TRNAU1AP: variants seen among roughly 807,000 people sequenced by gnomAD.
TRNAU1AP encodes the protein tRNA selenocysteine 1 associated protein 1.
A neutral mutation model predicts 43.3 loss-of-function variants in TRNAU1AP; 33 were observed. The observed-to-expected ratio is 0.76, with a 90% CI of 0.58 to 1.02. The LOEUF is 1.02. Ranked by LOEUF, TRNAU1AP falls within the 50% of genes least tolerant of loss-of-function variation. The pLI is 0.00. For missense variants in TRNAU1AP, 290 were observed against 362.7 expected, an observed-to-expected ratio of 0.80 and a Z score of 1.63; for synonymous variants, 143 against 129.1, an observed-to-expected ratio of 1.11 and a Z score of -0.73.
intron 2 of TRNAU1AP, among the ~76,000 whole-genome samples, chr1:28,559,145 C>T (rs1350654204): frequency 6.6e-6 from 1 of 151,864 alleles, no homozygotes; most frequent in Non-Finnish European, 1.5e-5. Context: ...GATCTCGGCT[C>T]ACTGCAGCCT....
At chr1:28,577,435 A>G in intron 8 of TRNAU1AP, 65 bp from the exon 9 acceptor site, 1 of 1,571,050 alleles carries the variant, frequency 6.4e-7, no homozygotes, top group Non-Finnish European at 8.7e-7. Flanking sequence ...GGGAGAAGGG[A>G]ACTGAACCAG....
rs1172867758 is a variant in TRNAU1AP, at chr1:28,577,598, C to T, written c.826C>T (p.Leu276=). The change falls in exon 9 of 9, where the codon CTG becomes TTG. Residue 276 remains leucine (L), a synonymous_variant. Coordinates refer to ENST00000373830, the MANE Select transcript of TRNAU1AP (RefSeq NM_017846.5). ...DALMDCHWQP[L]DTVSSEIPAM... is the part of the protein sequence containing the mutation. The stretch of plus-strand genomic sequence containing the variant: ...TCTGATGGACTGTCACTGGCAGCCC[C>T]TGGACACAGTGTCTTCAGAGATCCC... The T allele has an allele frequency of 3.1e-6, 5 of 1,614,052 alleles. No individual in the cohort carries two copies. The highest frequency in any genetic ancestry group is 4.2e-6 in the Non-Finnish European group (5 of 1,180,038).
At chr1:28,555,072 T>C (rs1665228640) in intron 2 of TRNAU1AP, among the ~76,000 whole-genome samples, 1 of 151,172 alleles carries the variant, frequency 6.6e-6, no homozygotes. Flanking sequence ...ACCCTGTCTC[T>C]ACCAAAAATT....
intron 5 of TRNAU1AP, among the ~76,000 whole-genome samples, chr1:28,566,006 T>G (rs9286966): frequency 0.39 from 59,700 of 151,916 alleles, 13,383 homozygotes; most frequent in African/African-American, 0.61. Context: ...ACAGTTTGAT[T>G]AGATCACCCT....
At chr1:28,556,527 T>TC (rs1665269649) in intron 2 of TRNAU1AP, among the ~76,000 whole-genome samples, 1 of 149,114 alleles carries the variant, frequency 6.7e-6, no homozygotes, top group East Asian at 2.0e-4. Flanking sequence ...TTTTTTTTTT[T>TC]CTGAGGCATA....
At chr1:28,558,365 C>G (rs1051810527) in intron 2 of TRNAU1AP, among the ~76,000 whole-genome samples, 2 of 150,884 alleles carry the variant, frequency 1.3e-5, no homozygotes, top group Non-Finnish European at 3.0e-5. Flanking sequence ...CAGGCACACA[C>G]CACCCCACCC....
chr1:28,559,357 G>A (rs190198780), intron 2 of TRNAU1AP, among the ~76,000 whole-genome samples: 4 of 152,078 alleles, frequency 2.6e-5, no homozygotes, highest in South Asian at 2.1e-4. Flanking sequence ...GGCTGGGTGC[G>A]GTAGCTCATG....
chr1:28,561,220 A>G, intron 3 of TRNAU1AP, 126 bp from the exon 4 acceptor site: 2 of 1,494,672 alleles, frequency 1.3e-6, no homozygotes, highest in Non-Finnish European at 1.8e-6. Flanking sequence ...TATACAGGAG[A>G]AAAAGCTGAG....
At chr1:28,557,312 C>T (rs956860314) in intron 2 of TRNAU1AP, among the ~76,000 whole-genome samples, 5 of 151,210 alleles carry the variant, frequency 3.3e-5, no homozygotes, top group South Asian at 2.1e-4. Context: ...CCCAGCTACT[C>T]GGGAGGCTGA....
At chr1:28,569,855 G>T (rs1192804608) in intron 6 of TRNAU1AP, among the ~76,000 whole-genome samples, 1 of 135,266 alleles carries the variant, frequency 7.4e-6, no homozygotes, top group Non-Finnish European at 1.6e-5. Flanking sequence ...AAAAAAATTA[G>T]CCGGGCGTGC....
intron 6 of TRNAU1AP, 60 bp from the exon 7 acceptor site, chr1:28,571,116 C>T: frequency 6.5e-7 from 1 of 1,530,680 alleles, no homozygotes; most frequent in South Asian, 1.1e-5. Flanking sequence ...TCTGTGGCCA[C>T]ATAGGCAGTG....
intron 8 of TRNAU1AP, among the ~76,000 whole-genome samples, chr1:28,573,131 G>A (rs1347089727): frequency 1.4e-5 from 2 of 147,600 alleles, no homozygotes; most frequent in South Asian, 4.2e-4. Context: ...CCTCCCGGGT[G>A]CAAGTGATTC....
In TRNAU1AP at chr1:28,558,954, A is replaced by G. The variant is rs1248825380; in HGVS notation, c.126-1679A>G. Among the ~76,000 whole-genome samples the G allele has an allele frequency of 2.6e-5, 4 of 152,204 alleles. No individual in the cohort carries two copies. The East Asian group carries it at 7.7e-4, about 29-fold the overall frequency. On this transcript the variant is annotated intron_variant, in intron 2 of 8. Transcript: ENST00000373830. ...TCTAATACCATATCATAGCAGGTCT[A>G]CATTTAAATTTTTATAATTGTCCCC...
chr1:28,571,945 A>C, intron 8 of TRNAU1AP, 45 bp downstream of exon 8: 1 of 1,547,890 alleles, frequency 6.5e-7, no homozygotes, highest in Middle Eastern at 1.7e-4. Flanking sequence ...TTATCAGGTG[A>C]CTGCTGTGGC....
At chr1:28,567,061 T>TGGGA (rs1413631363) in intron 5 of TRNAU1AP, among the ~76,000 whole-genome samples, 1 of 152,228 alleles carries the variant, frequency 6.6e-6, no homozygotes, top group Non-Finnish European at 1.5e-5. Context: ...GAACTGAATG[T>TGGGA]GGGAATTCCT....
In TRNAU1AP at chr1:28,571,299, C is replaced by T. The variant is rs1665656419; in HGVS notation, c.654C>T (p.Tyr218=). 2 of 1,613,934 alleles carry T rather than the reference C, an allele frequency of 1.2e-6. No individual in the cohort carries two copies. Among genetic ancestry groups the T allele is most frequent in the Non-Finnish European group, 1.7e-6 (2 of 1,179,904 alleles). ...GYDQNTGSYS[Y]SYPQYGYTQS... ...ACCAGAACACAGGCAGCTACAGCTACAGTTACCCCCAGTATGGCTATACCC... is the reference window on the plus strand; with the variant it reads ...ACCAGAACACAGGCAGCTACAGCTATAGTTACCCCCAGTATGGCTATACCC... The change falls in exon 7 of 9, where the codon TAC becomes TAT. Residue 218 remains tyrosine, a synonymous_variant. Coordinates refer to ENST00000373830, the MANE Select transcript of TRNAU1AP (RefSeq NM_017846.5).
Position 28,577,645 on chromosome 1 carries a change from A to AC in TRNAU1AP, c.*9_*10insC. On this transcript the variant is annotated 3_prime_UTR_variant, in exon 9 of 9. Coordinates refer to ENST00000373830, the MANE Select transcript of TRNAU1AP (RefSeq NM_017846.5). ...TCCCTGCCATGATGTAGCCAGGCCA[A>AC]AGGACAAGCCAGGTTGCATGATGTG... 1 of 1,612,398 alleles carries AC rather than the reference A, an allele frequency of 6.2e-7. No individual in the cohort carries two copies. Among genetic ancestry groups the AC allele is most frequent in the Non-Finnish European group, 8.5e-7 (1 of 1,179,342 alleles).
rs563996359 is a variant in TRNAU1AP, at chr1:28,571,431, C to T, written c.693+93C>T. On this transcript the variant is annotated intron_variant, in intron 7 of 8. Coordinates refer to ENST00000373830, the MANE Select transcript of TRNAU1AP (RefSeq NM_017846.5). ...AGGATGGGATTGGTAAGGACAGGGG[C>T]TTGGGCTTCAGAAAAAATAGGGAAA... is the stretch of plus-strand genomic sequence containing the variant. 14 of 1,340,058 alleles carry T rather than the reference C, an allele frequency of 1.0e-5. No individual in the cohort carries two copies. In the African/African-American group the frequency reaches 1.8e-4, roughly 17 times the overall value. 83.0% of individuals were successfully genotyped at this position (1,340,058 alleles called of 1,614,324 possible).
At chr1:28,571,088 A>G in intron 6 of TRNAU1AP, 88 bp from the exon 7 acceptor site, 1 of 1,338,996 alleles carries the variant, frequency 7.5e-7, no homozygotes. Context: ...GTTAATCGGT[A>G]TAAAGCACTT....
Sources: allele counts gnomAD v4.1 joint callset (sites outside exome capture counted in the v4.1 genomes callset), GRCh38; gene constraint gnomAD v4.1.1; transcripts MANE v1.5; gene names NCBI Gene and HGNC (gene_info 2026-07-23, HGNC 2026-07-21).